The following COL25A1 variants were observed in gnomAD, a reference collection of about 807,000 sequenced individuals.
COL25A1 encodes collagen type XXV alpha 1 chain.
COL25A1 carries 103 observed loss-of-function variants against 128.4 expected under a neutral mutation model. The ratio of observed to expected loss-of-function variants is 0.80; its 90% CI spans 0.68 to 0.94. COL25A1 has a LOEUF of 0.94. Ranked by LOEUF, COL25A1 falls within the 40% of genes least tolerant of loss-of-function variation. The probability of loss-of-function intolerance (pLI) is 0.00; values close to 1 mark genes in which losing one functional copy is unlikely to be tolerated. For synonymous variants in COL25A1, 279 were observed against 277.2 expected (o/e 1.01, Z -0.06); for missense variants, 745 against 840.0 (o/e 0.89, Z 1.40).
chr4:108,845,137 C>T, intron 29 of COL25A1, 52 bp downstream of exon 29: 10 of 1,432,494 alleles, frequency 7.0e-6, no homozygotes, highest in Non-Finnish European at 8.9e-6. Context: ...AGTAACATGT[C>T]AGTGTGTGAG....
intron 3 of COL25A1, among the ~76,000 whole-genome samples, chr4:109,297,870 T>C (rs1451346729): frequency 1.5e-5 from 2 of 136,116 alleles, no homozygotes; most frequent in East Asian, 2.1e-4. Flanking sequence ...TTCTTTTTTT[T>C]TTTTTTTTTT....
At chr4:108,919,801 C>T (rs1279930091) in intron 12 of COL25A1, among the ~76,000 whole-genome samples, 1 of 152,038 alleles carries the variant, frequency 6.6e-6, no homozygotes, top group African/African-American at 2.4e-5. Context: ...TGCTCTGTCT[C>T]ACCCAGGCTG....
intron 3 of COL25A1, among the ~76,000 whole-genome samples, chr4:109,119,826 A>T (rs1312703880): frequency 2.0e-5 from 3 of 152,118 alleles, no homozygotes; most frequent in African/African-American, 7.2e-5. Context: ...TAAAGTCATC[A>T]GAAGAAAAGA....
chr4:109,012,870 G>C (rs190085736), intron 5 of COL25A1, among the ~76,000 whole-genome samples: 6 of 152,350 alleles, frequency 3.9e-5, no homozygotes, highest in African/African-American at 1.4e-4. Context: ...GCGTGGCATG[G>C]AAATGGAGGG....
intron 3 of COL25A1, among the ~76,000 whole-genome samples, chr4:109,240,122 A>G (rs1030974200): frequency 3.9e-5 from 6 of 152,082 alleles, no homozygotes; most frequent in African/African-American, 1.4e-4. Context: ...ATTTTTTTTA[A>G]TAAGTAGGGG....
chr4:109,027,899 T>C (rs1178063113), intron 5 of COL25A1, among the ~76,000 whole-genome samples: 2 of 152,120 alleles, frequency 1.3e-5, no homozygotes, highest in Admixed American at 1.3e-4. Flanking sequence ...ATGCTAAATT[T>C]GAGATCTCTA....
At chr4:109,066,845 C>A (rs914339562) in intron 3 of COL25A1, among the ~76,000 whole-genome samples, 2 of 151,896 alleles carry the variant, frequency 1.3e-5, no homozygotes, top group South Asian at 4.2e-4. Flanking sequence ...TTATTGCTAT[C>A]TTTTAGTAGA....
chr4:109,039,595 T>A (rs1618378), intron 5 of COL25A1, among the ~76,000 whole-genome samples: 1 of 151,990 alleles, frequency 6.6e-6, no homozygotes, highest in African/African-American at 2.4e-5. Context: ...TGCACCTTGG[T>A]ATATCCTGAG....
chr4:108,986,482 A>C (rs1447852498), intron 6 of COL25A1, among the ~76,000 whole-genome samples: 1 of 152,188 alleles, frequency 6.6e-6, no homozygotes, highest in Non-Finnish European at 1.5e-5. Flanking sequence ...CAATCTTCTG[A>C]ATGTAACCTG....
At position 108,852,311 on chromosome 4, in the gene COL25A1, G is replaced by C. The variant is rs547818735; in HGVS notation, c.1345-31C>G. ...TCAAGAAAAAGCACAGTTTTTAAAAGTAGTAATTATATGTATTAAAATTCA... is the reference window on the plus strand; with the variant it reads ...TCAAGAAAAAGCACAGTTTTTAAAACTAGTAATTATATGTATTAAAATTCA... On this transcript the variant is annotated intron_variant, in intron 25 of 37. Transcript: ENST00000399132. The C allele has an allele frequency of 3.0e-5, 47 of 1,553,102 alleles. No individual in the cohort carries two copies. The East Asian group carries it at 9.1e-4, about 30-fold the overall frequency.
chr4:109,121,421 C>T (rs1560726699), intron 3 of COL25A1, among the ~76,000 whole-genome samples: 1 of 152,010 alleles, frequency 6.6e-6, no homozygotes, highest in Non-Finnish European at 1.5e-5. Context: ...ACTCCTAAAA[C>T]TCAACTATAA....
chr4:108,871,387 C>T (rs2125813556), intron 19 of COL25A1, among the ~76,000 whole-genome samples: 1 of 152,258 alleles, frequency 6.6e-6, no homozygotes, highest in Non-Finnish European at 1.5e-5. Flanking sequence ...ACAATCTCGG[C>T]TCACTGCAAG....
At chr4:108,844,673 G>C (rs905215500) in intron 29 of COL25A1, 104 bp from the exon 30 acceptor site, 1 of 1,440,216 alleles carries the variant, frequency 6.9e-7, no homozygotes, top group Non-Finnish European at 9.3e-7. Flanking sequence ...AGTAGTTGGA[G>C]AGGAAGAAAG....
chr4:109,290,336 C>T (rs1349417218), intron 3 of COL25A1, among the ~76,000 whole-genome samples: 4 of 151,992 alleles, frequency 2.6e-5, no homozygotes, highest in Admixed American at 6.6e-5. Flanking sequence ...AACTTGGTTG[C>T]AGAACCAAGC....
At chr4:108,838,322 A>G in intron 31 of COL25A1, 1 of 615,808 alleles carries the variant, frequency 1.6e-6, no homozygotes, top group Admixed American at 3.1e-5. Flanking sequence ...ACGAAACATT[A>G]ATTTTTAAAG....
At chr4:109,259,646 T>C (rs1781300775) in intron 3 of COL25A1, among the ~76,000 whole-genome samples, 1 of 152,198 alleles carries the variant, frequency 6.6e-6, no homozygotes. Flanking sequence ...TTACCAAGAC[T>C]TGTGGCTACC....
intron 3 of COL25A1, among the ~76,000 whole-genome samples, chr4:109,148,864 C>T (rs748121366): frequency 1.3e-5 from 2 of 152,162 alleles, no homozygotes; most frequent in African/African-American, 2.4e-5. Flanking sequence ...TTCTCCATAG[C>T]TTGGCTAGTG....
chr4:109,129,820 C>T (rs999907840), intron 3 of COL25A1, among the ~76,000 whole-genome samples: 1 of 151,936 alleles, frequency 6.6e-6, no homozygotes, highest in African/African-American at 2.4e-5. Context: ...TTAATAAGCC[C>T]TTGAAGGAAA....
intron 32 of COL25A1, among the ~76,000 whole-genome samples, chr4:108,827,643 C>A (rs573464167): frequency 5.9e-5 from 9 of 152,190 alleles, no homozygotes; most frequent in African/African-American, 2.2e-4. Context: ...CCTCCCACCT[C>A]GACCTCCTGA....
Sources: allele counts gnomAD v4.1 joint callset (sites outside exome capture counted in the v4.1 genomes callset), GRCh38; gene constraint gnomAD v4.1.1; transcripts MANE v1.5; gene names NCBI Gene and HGNC (gene_info 2026-07-23, HGNC 2026-07-21).